The following APOH variants were observed in gnomAD, a reference collection of about 807,000 sequenced individuals.
The protein encoded by APOH is apolipoprotein H.
A neutral mutation model predicts 39.8 loss-of-function variants in APOH; 48 were observed. That is an observed-to-expected ratio of 1.21 (90% CI 0.96 to 1.54). The LOEUF is 1.54. Among genes scored for constraint, APOH ranks in the 40% most tolerant of loss-of-function variants. The probability of loss-of-function intolerance (pLI) is 0.00; values close to 1 mark genes in which losing one functional copy is unlikely to be tolerated. For missense variants in APOH, 415 were observed against 421.2 expected, an observed-to-expected ratio of 0.99 and a Z score of 0.13; for synonymous variants, 153 against 151.1, an observed-to-expected ratio of 1.01 and a Z score of -0.09.
Position 66,218,412 on chromosome 17 carries a change from G to A in APOH, c.605-1445C>T, listed in dbSNP as rs569710892. 4.6e-5 allele frequency among the ~76,000 whole-genome samples: 7 copies of A among 151,910 alleles called. No homozygotes were observed. In the South Asian group the frequency reaches 1.2e-3, roughly 27 times the overall value. On this transcript the variant is annotated intron_variant, in intron 5 of 7. Coordinates refer to ENST00000205948, the MANE Select transcript of APOH (RefSeq NM_000042.3). ...GCAACCTCCCCCTCCTGGTTCAAGC[G>A]ATTCTCCTGCCTCAACCTCCTGAGC...
intron 3 of APOH, among the ~76,000 whole-genome samples, chr17:66,224,679 AAGG>A (rs2073426400): frequency 2.0e-5 from 1 of 51,150 alleles, no homozygotes; most frequent in East Asian, 8.3e-4. Context: ...AAGGGAAGGG[AAGG>A]GAAGGGAAGG....
intron 6 of APOH, among the ~76,000 whole-genome samples, chr17:66,215,978 A>G (rs193151511): frequency 6.6e-6 from 1 of 151,956 alleles, no homozygotes; most frequent in Non-Finnish European, 1.5e-5. Context: ...AATATCCCCA[A>G]TTTCCTTGAA....
rs112698150 is a variant in APOH at position 66,216,969 on chromosome 17, T to A, written c.605-2A>T. On this transcript the variant is annotated splice_acceptor_variant, in intron 5 of 7. Transcript: ENST00000205948. LOFTEE classifies it high-confidence loss of function. ...TTGATGGGAATGGGCATTTTACTTC[T>A]AAAACATTTATTCAATAAGACATAT... The A allele has an allele frequency of 1.9e-5, 30 of 1,584,448 alleles. No individual in the cohort carries two copies. The highest frequency in any genetic ancestry group is 2.6e-5 in the Non-Finnish European group (30 of 1,167,596).
At chr17:66,226,932 A>C (rs1023165296) in intron 2 of APOH, among the ~76,000 whole-genome samples, 1 of 151,412 alleles carries the variant, frequency 6.6e-6, no homozygotes, top group African/African-American at 2.4e-5. Flanking sequence ...TCTGCTGCCC[A>C]GGCTGGAGTG....
chr17:66,217,090 A>C, intron 5 of APOH, 123 bp from the exon 6 acceptor site: 1 of 727,136 alleles, frequency 1.4e-6, no homozygotes, highest in East Asian at 3.1e-5. Context: ...ACTGGAATGC[A>C]ATTTATAGTT....
Position 66,219,834 on chromosome 17 carries a change from G to A in APOH, c.604+720C>T, listed in dbSNP as rs151333775. 8.7e-4 allele frequency among the ~76,000 whole-genome samples: 133 copies of A among 152,146 alleles called. 1 individual carries two copies. Among genetic ancestry groups the A allele is most frequent in the African/African-American group, 3.0e-3 (123 of 41,486 alleles). On this transcript the variant is annotated intron_variant, in intron 5 of 7. Transcript: ENST00000205948. The stretch of plus-strand genomic sequence containing the variant: ...CTTGGGAGGCCAAGGCATGAGAATC[G>A]CTTGAACCCAGGTGGCAGTAAGCCA...
Position 66,217,211 on chromosome 17 carries a change from T to C in APOH, c.605-244A>G, listed in dbSNP as rs150273311. 6.1e-3 allele frequency among the ~76,000 whole-genome samples: 933 copies of C among 152,318 alleles called. 4 individuals carry two copies. The highest frequency in any genetic ancestry group is 0.01 in the Non-Finnish European group (712 of 68,040). ...ATTAATGAGACTTCACTAAGTTCTC[T>C]GGGTTTTCACATATAATCATAAGGT... On this transcript the variant is annotated intron_variant, in intron 5 of 7. Transcript: ENST00000205948.
chr17:66,226,092 T>C lies in APOH; in HGVS notation c.274A>G (p.Asn92Asp), dbSNP rs753680863. 5 of 1,613,494 alleles carry C rather than the reference T, an allele frequency of 3.1e-6. No individual in the cohort carries two copies. The highest frequency in any genetic ancestry group is 4.2e-6 in the Non-Finnish European group (5 of 1,179,720). Residue 92 changes from asparagine to aspartate, a missense_variant, in exon 3 of 8, where the codon AAT becomes GAT. Asn to Asp is a conservative substitution (Grantham distance 23, BLOSUM62 1). Transcript: ENST00000205948. ...RVCPFAGILE[N>D]GAVRYTTFEY... ...AAAGTCGTATAGCGTACGGCTCCATTTTCTAAGATTCCAGCAAAAGGACAT... is the reference window on the plus strand; with the variant it reads ...AAAGTCGTATAGCGTACGGCTCCATCTTCTAAGATTCCAGCAAAAGGACAT...
At chr17:66,228,528 G>A (rs867375981) in intron 1 of APOH, 4 of 202,696 alleles carry the variant, frequency 2.0e-5, no homozygotes, top group African/African-American at 4.6e-5. Context: ...TCAGCTGGGC[G>A]CAGTTGCTCA....
At chr17:66,228,417 A>G (rs1434292625) in intron 1 of APOH, among the ~76,000 whole-genome samples, 1 of 152,184 alleles carries the variant, frequency 6.6e-6, no homozygotes, top group Non-Finnish European at 1.5e-5. Flanking sequence ...CTGAGGCTTA[A>G]ATTGGCTACG....
intron 7 of APOH, among the ~76,000 whole-genome samples, chr17:66,213,999 T>C (rs2073349869): frequency 6.6e-6 from 1 of 152,002 alleles, no homozygotes; most frequent in South Asian, 2.1e-4. Flanking sequence ...CACTGCTTCA[T>C]ATCATTGTTT....
At chr17:66,217,438 G>T (rs2073372727) in intron 5 of APOH, among the ~76,000 whole-genome samples, 1 of 150,000 alleles carries the variant, frequency 6.7e-6, no homozygotes, top group Non-Finnish European at 1.5e-5. Context: ...GAAGCCAGCA[G>T]GAAATACGTC....
chr17:66,212,046 T>C lies in APOH; in HGVS notation c.*87A>G. The C allele has an allele frequency of 1.7e-6, 2 of 1,159,982 alleles. No individual in the cohort carries two copies. The highest frequency in any genetic ancestry group is 2.6e-5 in the South Asian group (2 of 78,388). The allele number at this position is 1,159,982 out of a possible 1,614,324, so 71.9% of individuals were successfully genotyped here. ...CACTGCAATGGGTGCGGCAATAAATTCAGTAGCTTTATTTTTAAATTTCAA... is the reference window on the plus strand; with the variant it reads ...CACTGCAATGGGTGCGGCAATAAATCCAGTAGCTTTATTTTTAAATTTCAA... On this transcript the variant is annotated 3_prime_UTR_variant, in exon 8 of 8. Coordinates refer to ENST00000205948, the MANE Select transcript of APOH (RefSeq NM_000042.3).
chr17:66,220,544 T>C lies in APOH; in HGVS notation c.604+10A>G. On this transcript the variant is annotated intron_variant, in intron 5 of 7. Transcript: ENST00000205948. ...CTACCATGCGTATTTTGTCTGATCA[T>C]TGCACTTACCCCTGCATTCTGGTAA... 1 of 1,612,956 alleles carries C rather than the reference T, an allele frequency of 6.2e-7. No homozygotes were observed. The highest frequency in any genetic ancestry group is 8.5e-7 in the Non-Finnish European group (1 of 1,178,960).
intron 5 of APOH, among the ~76,000 whole-genome samples, chr17:66,217,419 A>AC (rs2073372569): frequency 6.9e-6 from 1 of 145,414 alleles, no homozygotes; most frequent in African/African-American, 2.5e-5. Flanking sequence ...TTCAATTCAG[A>AC]CTATGGAAGA....
Position 66,214,440 on chromosome 17 carries a change from A to C in APOH, c.982+13T>G. 6.2e-7 allele frequency: 1 copy of C among 1,612,040 alleles called. No homozygotes were observed. On this transcript the variant is annotated intron_variant, in intron 7 of 7. Coordinates refer to ENST00000205948, the MANE Select transcript of APOH (RefSeq NM_000042.3). Reference sequence around the variant, plus strand: ...AGTGGGAGTCCTAGCTAAACGTTCCAATGCAGACTTACCCTTGAAGCATTT... The same window carrying C: ...AGTGGGAGTCCTAGCTAAACGTTCCCATGCAGACTTACCCTTGAAGCATTT...
intron 5 of APOH, among the ~76,000 whole-genome samples, chr17:66,218,646 G>A (rs2073379739): frequency 6.6e-6 from 1 of 152,114 alleles, no homozygotes; most frequent in African/African-American, 2.4e-5. Flanking sequence ...TTCAGATTAT[G>A]GAACATTCTA....
At chr17:66,212,830 A>T (rs893062533) in intron 7 of APOH, among the ~76,000 whole-genome samples, 1 of 152,242 alleles carries the variant, frequency 6.6e-6, no homozygotes, top group Non-Finnish European at 1.5e-5. Flanking sequence ...CTGAAGAAAT[A>T]TATCAACAAA....
Position 66,212,075 on chromosome 17 carries a change from G to C in APOH, c.*58C>G. 1 of 1,416,590 alleles carries C rather than the reference G, an allele frequency of 7.1e-7. No individual in the cohort carries two copies. The allele number at this position is 1,416,590 out of a possible 1,614,324, so 87.8% of individuals were successfully genotyped here. On this transcript the variant is annotated 3_prime_UTR_variant, in exon 8 of 8. Coordinates refer to ENST00000205948, the MANE Select transcript of APOH (RefSeq NM_000042.3). ...TAGCTTTATTTTTAAATTTCAATTA[G>C]GTTCCTTGGATGAACAAGAAACAAG... is the stretch of plus-strand genomic sequence containing the variant.
Sources: gnomAD v4.1 joint callset for allele counts (sites outside exome capture counted in the v4.1 genomes callset) on GRCh38, gnomAD v4.1.1 for gene constraint, MANE v1.5 for transcripts, NCBI Gene and HGNC (gene_info 2026-07-23, HGNC 2026-07-21) for gene names.